ABRAXAS1: variants seen among roughly 807,000 people sequenced by gnomAD.
The protein encoded by ABRAXAS1 is BRCA1-A complex subunit Abraxas 1.
A neutral mutation model predicts 38.4 loss-of-function variants in ABRAXAS1; 26 were observed. That is an observed-to-expected ratio of 0.68 (90% CI 0.50 to 0.94). The LOEUF (loss-of-function observed/expected upper bound fraction) is 0.94. Ranked by LOEUF, ABRAXAS1 falls within the 40% of genes least tolerant of loss-of-function variation. The probability of loss-of-function intolerance (pLI) is 0.00; values close to 1 mark genes in which losing one functional copy is unlikely to be tolerated. For synonymous variants in ABRAXAS1, 144 were observed against 165.5 expected (o/e 0.87, Z 1.00); for missense variants, 438 against 481.9 (o/e 0.91, Z 0.85).
chr4:83,465,322 A>G (rs1248507795), intron 7 of ABRAXAS1, among the ~76,000 whole-genome samples: 1 of 151,086 alleles, frequency 6.6e-6, no homozygotes, highest in African/African-American at 2.4e-5. Flanking sequence ...AAAAAAAAGA[A>G]GAAACTAAAA....
At chr4:83,463,743 T>C in intron 7 of ABRAXAS1, 135 bp from the exon 8 acceptor site, 1 of 444,502 alleles carries the variant, frequency 2.2e-6, no homozygotes, top group Non-Finnish European at 3.9e-6. Flanking sequence ...TAAATTTTAT[T>C]TATTTTCTGG....
Position 83,460,958 on chromosome 4 carries a change from C to CT in ABRAXAS1, c.*1510dup, listed in dbSNP as rs745790422. The CT allele has an allele frequency of 9.5e-6, 15 of 1,585,434 alleles. No individual in the cohort carries two copies. In the Admixed American group the frequency reaches 2.2e-4, roughly 23 times the overall value. On this transcript the variant is annotated 3_prime_UTR_variant, in exon 9 of 9. Coordinates refer to ENST00000321945, the MANE Select transcript of ABRAXAS1 (RefSeq NM_139076.3). ...TTGACATTTTTTATGAATAAGAAAG[C>CT]TTTTTATTTTACAGGTCTTTGTGGG... is the stretch of plus-strand genomic sequence containing the variant.
At chr4:83,464,789 T>C (rs1219580433) in intron 7 of ABRAXAS1, among the ~76,000 whole-genome samples, 1 of 152,206 alleles carries the variant, frequency 6.6e-6, no homozygotes, top group African/African-American at 2.4e-5. Context: ...GTTGGCTGTT[T>C]TCTGGCCTGC....
chr4:83,466,257 T>C lies in ABRAXAS1; in HGVS notation c.681+1197A>G, dbSNP rs1050777224. Among the ~76,000 whole-genome samples, 7 of 152,328 alleles carry C rather than the reference T, an allele frequency of 4.6e-5. No individual in the cohort carries two copies. In the South Asian group the frequency reaches 8.3e-4, roughly 18 times the overall value. ...GTCTGAAGGCTCTTCCTGCCTGTTC[T>C]TTCTTCCTCTTCTTTATCCTTCTCA... On this transcript the variant is annotated intron_variant, in intron 7 of 8. Coordinates refer to ENST00000321945, the MANE Select transcript of ABRAXAS1 (RefSeq NM_139076.3).
intron 3 of ABRAXAS1, among the ~76,000 whole-genome samples, chr4:83,472,753 G>GT (rs1722629744): frequency 1.3e-5 from 2 of 152,164 alleles, no homozygotes; most frequent in South Asian, 4.1e-4. Flanking sequence ...AGGTGGCTGG[G>GT]TTTTTTGGGG....
At chr4:83,465,718 G>A (rs969367062) in intron 7 of ABRAXAS1, among the ~76,000 whole-genome samples, 2 of 152,180 alleles carry the variant, frequency 1.3e-5, no homozygotes, top group Non-Finnish European at 2.9e-5. Flanking sequence ...AGCCCAAGAG[G>A]TGGTGGTTGT....
chr4:83,477,743 G>A (rs1722835193), intron 2 of ABRAXAS1: 1 of 657,244 alleles, frequency 1.5e-6, no homozygotes, highest in Admixed American at 1.8e-5. Flanking sequence ...TAAAGCGGAA[G>A]GTGTATTGGC....
intron 3 of ABRAXAS1, among the ~76,000 whole-genome samples, chr4:83,475,491 G>A (rs1722731826): frequency 6.6e-6 from 1 of 151,950 alleles, no homozygotes; most frequent in African/African-American, 2.4e-5. Context: ...CTGTCACCCA[G>A]GTCATGCAGT....
chr4:83,469,724 AT>A (rs1722511057), intron 5 of ABRAXAS1: 1 of 155,964 alleles, frequency 6.4e-6, no homozygotes, highest in Admixed American at 6.3e-5. Context: ...CAATAAAATT[AT>A]TCTTAGTTGG....
chr4:83,465,917 G>A (rs1272053343), intron 7 of ABRAXAS1, among the ~76,000 whole-genome samples: 2 of 152,210 alleles, frequency 1.3e-5, no homozygotes, highest in East Asian at 1.9e-4. Context: ...CTACTGATGA[G>A]TGTGGTGGCC....
chr4:83,467,421 G>C (rs373869203), intron 7 of ABRAXAS1, 33 bp downstream of exon 7: 8 of 1,141,228 alleles, frequency 7.0e-6, no homozygotes, highest in Non-Finnish European at 1.1e-5. Flanking sequence ...ACTCTATCTA[G>C]AAGTGGTTGA....
Position 83,459,674 on chromosome 4 carries a change from A to G in ABRAXAS1, c.*2795T>C. 1 of 1,446,964 alleles carries G rather than the reference A, an allele frequency of 6.9e-7. No individual in the cohort carries two copies. 89.6% of individuals were successfully genotyped at this position (1,446,964 alleles called of 1,614,324 possible). A position where few individuals can be genotyped will look rare whatever the true frequency, so the allele number is the denominator to read the frequency against. Reference sequence around the variant, plus strand: ...ATATAACCTGAAGGTTGTTTTTTGAAATTTACACATTCAGAAATAAATAAC... The same window carrying G: ...ATATAACCTGAAGGTTGTTTTTTGAGATTTACACATTCAGAAATAAATAAC... On this transcript the variant is annotated 3_prime_UTR_variant, in exon 9 of 9. Coordinates refer to ENST00000321945, the MANE Select transcript of ABRAXAS1 (RefSeq NM_139076.3).
At chr4:83,467,736 T>C (rs1280553426) in intron 6 of ABRAXAS1, among the ~76,000 whole-genome samples, 198 bp from the exon 7 acceptor site, 2 of 152,188 alleles carry the variant, frequency 1.3e-5, no homozygotes, top group Non-Finnish European at 2.9e-5. Flanking sequence ...GCAAACTTTT[T>C]AGCCTCCTAA....
chr4:83,481,327 A>AT lies in ABRAXAS1; in HGVS notation c.178+826dup, dbSNP rs1227614227. 2.0e-5 allele frequency among the ~76,000 whole-genome samples: 3 copies of AT among 152,072 alleles called. No homozygotes were observed. The South Asian group carries it at 6.2e-4, about 32-fold the overall frequency. ...CCTATACATTTTATTTCTTTTAACC[A>AT]TTTTTTTCCCTATGCATTTTAAAGG... On this transcript the variant is annotated intron_variant, in intron 2 of 8. Transcript: ENST00000321945.
In ABRAXAS1 at chr4:83,462,358, T is replaced by C. The variant is rs72931491; in HGVS notation, c.*111A>G. 2.4e-3 allele frequency: 2,218 copies of C among 911,056 alleles called. 32 individuals are homozygous for C. In the African/African-American group the frequency reaches 0.032, roughly 13 times the overall value. 56.4% of individuals were successfully genotyped at this position (911,056 alleles called of 1,614,324 possible). On this transcript the variant is annotated 3_prime_UTR_variant, in exon 9 of 9. Transcript: ENST00000321945. ...GTGTATTACTGCAAACAGGTGAACA[T>C]AGTAAAAACAAATGAACTTACTGCA...
At chr4:83,479,093 T>C (rs1328933481) in intron 2 of ABRAXAS1, 1 of 152,216 alleles carries the variant, frequency 6.6e-6, no homozygotes, top group Non-Finnish European at 1.5e-5. Flanking sequence ...AAAGATTTGA[T>C]AATACCTAGT....
rs56262938 is a variant in ABRAXAS1 at position 83,468,311 on chromosome 4, GAA to G, written c.596+719_596+720del. Among the ~76,000 whole-genome samples the G allele has an allele frequency of 1.7e-3, 210 of 123,748 alleles. 1 individual carries two copies. The highest frequency in any genetic ancestry group is 3.9e-3 in the African/African-American group (137 of 35,040). The allele number at this position is 123,748 out of a possible 152,430, so 81.2% of individuals were successfully genotyped here. On this transcript the variant is annotated intron_variant, in intron 6 of 8. Coordinates refer to ENST00000321945, the MANE Select transcript of ABRAXAS1 (RefSeq NM_139076.3). ...CAAGAGTGAAACTCTGTCTTTAAAA[GAA>G]AAAAAAAAAAAAAAAGGAAAATGTG...
At chr4:83,468,830 C>T (rs1722477256) in intron 6 of ABRAXAS1, among the ~76,000 whole-genome samples, 1 of 151,856 alleles carries the variant, frequency 6.6e-6, no homozygotes, top group African/African-American at 2.4e-5. Flanking sequence ...TGTGAGCCAC[C>T]ATGCCTGGAC....
intron 3 of ABRAXAS1, among the ~76,000 whole-genome samples, chr4:83,475,971 G>A (rs1199821337): frequency 2.0e-5 from 3 of 152,188 alleles, no homozygotes; most frequent in Non-Finnish European, 4.4e-5. Flanking sequence ...GGAAGCAGAG[G>A]AAGGAGGACG....
Sources: allele counts gnomAD v4.1 joint callset (sites outside exome capture counted in the v4.1 genomes callset), GRCh38; gene constraint gnomAD v4.1.1; transcripts MANE v1.5; gene names NCBI Gene and HGNC (gene_info 2026-07-23, HGNC 2026-07-21).